The following RASL10B variants were observed in gnomAD, a reference collection of about 807,000 sequenced individuals.
RASL10B encodes ras-like protein family member 10B.
In RASL10B, 10 loss-of-function variants were observed where a neutral mutation model predicts 20.7. The ratio of observed to expected loss-of-function variants is 0.48; its 90% CI spans 0.30 to 0.82. The LOEUF (loss-of-function observed/expected upper bound fraction) is 0.82, where lower values mean the gene tolerates loss of function less well. Among genes scored for constraint, RASL10B ranks in the 40% least tolerant of loss-of-function variants. The pLI, the probability that RASL10B is intolerant of heterozygous loss-of-function variation, is 0.07. For missense variants in RASL10B, 231 were observed against 295.4 expected (o/e 0.78, Z 1.60); for synonymous variants, 110 against 123.3 (o/e 0.89, Z 0.72).
rs1156929137 is a variant in RASL10B at position 35,742,002 on chromosome 17, A to C, written c.*697A>C. ...GCAGCCCCCAGAGACACAACAACCT[A>C]CCTTCCAGCCTTAACTCGATGGTCC... On this transcript the variant is annotated 3_prime_UTR_variant, in exon 4 of 4. Coordinates refer to ENST00000603017, the MANE Select transcript of RASL10B (RefSeq NM_033315.4). The C allele has an allele frequency of 1.1e-4, 16 of 151,954 alleles. No homozygotes were observed. The highest frequency in any genetic ancestry group is 1.1e-3 in the Admixed American group (16 of 15,228). 9.4% of individuals were successfully genotyped at this position (151,954 alleles called of 1,614,324 possible).
At chr17:35,740,682 C>T in intron 3 of RASL10B, 149 bp downstream of exon 3, 1 of 1,048,422 alleles carries the variant, frequency 9.5e-7, no homozygotes, top group South Asian at 1.6e-5. Flanking sequence ...ATACATTGTG[C>T]TGTTCCCATT....
Position 35,741,380 on chromosome 17 carries a change from G to A in RASL10B, c.*75G>A, listed in dbSNP as rs1555597964. On this transcript the variant is annotated 3_prime_UTR_variant, in exon 4 of 4. Coordinates refer to ENST00000603017, the MANE Select transcript of RASL10B (RefSeq NM_033315.4). ...GGCCGTACTGCGGGGCTGGGGCGGG[G>A]AGCGGGCGGGAAATGGAACTGTGAC... 7.3e-7 allele frequency: 1 copy of A among 1,364,176 alleles called. No homozygotes were observed. The highest frequency in any genetic ancestry group is 9.4e-7 in the Non-Finnish European group (1 of 1,064,344). The allele number at this position is 1,364,176 out of a possible 1,614,324, so 84.5% of individuals were successfully genotyped here. A position where few individuals can be genotyped will look rare whatever the true frequency, so the allele number is the denominator to read the frequency against.
chr17:35,734,710 T>A (rs1490198394), intron 1 of RASL10B, among the ~76,000 whole-genome samples: 4 of 152,060 alleles, frequency 2.6e-5, no homozygotes, highest in Non-Finnish European at 4.4e-5. Flanking sequence ...GACTCAGAGG[T>A]GTTGCCGTCT....
At chr17:35,734,960 C>T in intron 1 of RASL10B, 78 bp from the exon 2 acceptor site, 1 of 576,288 alleles carries the variant, frequency 1.7e-6, no homozygotes, top group South Asian at 2.2e-5. Flanking sequence ...ACAGCTTCAG[C>T]AAAGTCCCAA....
chr17:35,738,222 T>A (rs1362581847), intron 2 of RASL10B, among the ~76,000 whole-genome samples: 1 of 152,094 alleles, frequency 6.6e-6, no homozygotes, highest in Admixed American at 6.5e-5. Context: ...ATTTTTCTAT[T>A]GGGTTGTTGG....
Position 35,731,652 on chromosome 17 carries a change from C to G in RASL10B, c.-374C>G, listed in dbSNP as rs1555596350. The G allele has an allele frequency of 6.6e-6, 1 of 152,258 alleles. No homozygotes were observed. Among genetic ancestry groups the G allele is most frequent in the Admixed American group, 6.5e-5 (1 of 15,294 alleles). 9.4% of individuals were successfully genotyped at this position (152,258 alleles called of 1,614,324 possible). A position where few individuals can be genotyped will look rare whatever the true frequency, so the allele number is the denominator to read the frequency against. On this transcript the variant is annotated 5_prime_UTR_variant, in exon 1 of 4. Transcript: ENST00000603017. The stretch of plus-strand genomic sequence containing the variant: ...CACCCCCTCCTCCTTCCAGCGCGAG[C>G]AGGCGGCGCGCTCCGGAGGGAGAGC...
In RASL10B at chr17:35,740,515, A is replaced by G; in HGVS notation, c.323A>G (p.Gln108Arg). ...DSFEYVKTIR[Q>R]QILETRVIGT... ...TTTGAGTACGTCAAGACCATCCGCC[A>G]GCAGATCCTGGAGACGAGGTGAGAG... Residue 108 changes from glutamine to arginine, a missense_variant, in exon 3 of 4, where the codon CAG (glutamine) becomes CGG (arginine). Physicochemically the swap from Gln to Arg is conservative, Grantham distance 43 (BLOSUM62 1). Coordinates refer to ENST00000603017, the MANE Select transcript of RASL10B (RefSeq NM_033315.4). 1 of 1,613,700 alleles carries G rather than the reference A, an allele frequency of 6.2e-7. No individual in the cohort carries two copies. Among genetic ancestry groups the G allele is most frequent in the Non-Finnish European group, 8.5e-7 (1 of 1,179,766 alleles).
chr17:35,737,650 C>G (rs1463457720), intron 2 of RASL10B, among the ~76,000 whole-genome samples: 1 of 150,222 alleles, frequency 6.7e-6, no homozygotes, highest in Non-Finnish European at 1.5e-5. Context: ...GCCTATAATC[C>G]CAACACTTTG....
At chr17:35,734,849 C>T (rs2085580127) in intron 1 of RASL10B, among the ~76,000 whole-genome samples, 189 bp from the exon 2 acceptor site, 1 of 152,024 alleles carries the variant, frequency 6.6e-6, no homozygotes, top group Non-Finnish European at 1.5e-5. Flanking sequence ...AAGATTGGGC[C>T]CTACTACTGG....
At position 35,741,377 on chromosome 17, in the gene RASL10B, G is replaced by T. The variant is rs933256632; in HGVS notation, c.*72G>T. On this transcript the variant is annotated 3_prime_UTR_variant, in exon 4 of 4. Transcript: ENST00000603017. ...CGGGGCCGTACTGCGGGGCTGGGGC[G>T]GGGAGCGGGCGGGAAATGGAACTGT... The T allele has an allele frequency of 1.1e-5, 15 of 1,364,548 alleles. No individual in the cohort carries two copies. The African/African-American group carries it at 2.2e-4, about 20-fold the overall frequency. The allele number at this position is 1,364,548 out of a possible 1,614,324, so 84.5% of individuals were successfully genotyped here. A position where few individuals can be genotyped will look rare whatever the true frequency, so the allele number is the denominator to read the frequency against.
intron 3 of RASL10B, 128 bp downstream of exon 3, chr17:35,740,661 C>A: frequency 1.8e-6 from 2 of 1,120,502 alleles, no homozygotes; most frequent in Non-Finnish European, 2.5e-6. Context: ...CACACATACA[C>A]TCAAACATGC....
intron 2 of RASL10B, among the ~76,000 whole-genome samples, chr17:35,738,443 C>T (rs2085608817): frequency 6.6e-6 from 1 of 152,152 alleles, no homozygotes; most frequent in Non-Finnish European, 1.5e-5. Flanking sequence ...AGATAGAGCC[C>T]AGGAGAGTAG....
Position 35,741,237 on chromosome 17 carries a change from T to G in RASL10B, c.544T>G (p.Cys182Gly), listed in dbSNP as rs2085627000. The change falls in exon 4 of 4, where the codon TGC becomes GGC. Residue 182 changes from cysteine to glycine, a missense_variant. Transcript: ENST00000603017. ...GCTCAAGAGCGTCGGCTGCGCCCGT[T>G]GCAAGCACGTGCACGCTGCCCTGCG... ...ELLKSVGCAR[C>G]KHVHAALRFQ... 6.2e-7 allele frequency: 1 copy of G among 1,601,504 alleles called. No homozygotes were observed.
intron 2 of RASL10B, chr17:35,736,729 T>C (rs1166949552): frequency 1.3e-5 from 2 of 152,218 alleles, no homozygotes; most frequent in African/African-American, 4.8e-5. Context: ...ACCACTCTTA[T>C]CGAATTTTTC....
At chr17:35,736,008 AC>A (rs2085589257) in intron 2 of RASL10B, among the ~76,000 whole-genome samples, 1 of 151,924 alleles carries the variant, frequency 6.6e-6, no homozygotes, top group Admixed American at 6.6e-5. Flanking sequence ...GACTCTGGAG[AC>A]CCCAGTCAGG....
chr17:35,734,987 G>A, intron 1 of RASL10B, 51 bp from the exon 2 acceptor site: 1 of 603,742 alleles, frequency 1.7e-6, no homozygotes, highest in Admixed American at 2.9e-5. Flanking sequence ...AAAAGTGCAG[G>A]ACACGTCCAG....
chr17:35,733,096 G>A (rs72829936), intron 1 of RASL10B, among the ~76,000 whole-genome samples: 18,938 of 152,226 alleles, frequency 0.12, 1,578 homozygotes, highest in South Asian at 0.24. Flanking sequence ...CTAAGTCACT[G>A]GGTTTGTTTT....
rs782146474 is a variant in RASL10B, at chr17:35,741,297, A to G, written c.604A>G (p.Ile202Val). Residue 202 changes from isoleucine (I) to valine (V), a missense_variant, in exon 4 of 4, where the codon ATC becomes GTC. Transcript: ENST00000603017. ...CGCGCTGCGCCGCAACCGCTGCGCC[A>G]TCATGTGACGCCTGCGCGCCCCTCG... ...QGALRRNRCAIM is the reference protein window; with the variant it reads ...QGALRRNRCAVM 16 of 1,502,160 alleles carry G rather than the reference A, an allele frequency of 1.1e-5. No individual in the cohort carries two copies. Among genetic ancestry groups the G allele is most frequent in the South Asian group, 5.0e-5 (4 of 79,666 alleles). The allele number at this position is 1,502,160 out of a possible 1,614,324, so 93.1% of individuals were successfully genotyped here.
chr17:35,731,682 G>T lies in RASL10B; in HGVS notation c.-344G>T, dbSNP rs2085558118. The T allele has an allele frequency of 6.6e-6, 1 of 152,232 alleles. No individual in the cohort carries two copies. The highest frequency in any genetic ancestry group is 1.5e-5 in the Non-Finnish European group (1 of 68,086). 9.4% of individuals were successfully genotyped at this position (152,232 alleles called of 1,614,324 possible). A position where few individuals can be genotyped will look rare whatever the true frequency, so the allele number is the denominator to read the frequency against. On this transcript the variant is annotated 5_prime_UTR_variant, in exon 1 of 4. Coordinates refer to ENST00000603017, the MANE Select transcript of RASL10B (RefSeq NM_033315.4). The stretch of plus-strand genomic sequence containing the variant: ...GGCGCGCTCCGGAGGGAGAGCTGGG[G>T]CTGGAGGTTCCTACCCCCTCGGCGG...
Sources: allele counts gnomAD v4.1 joint callset (sites outside exome capture counted in the v4.1 genomes callset), GRCh38; gene constraint gnomAD v4.1.1; transcripts MANE v1.5; gene names NCBI Gene and HGNC (gene_info 2026-07-23, HGNC 2026-07-21).